The following RDX variants were observed in gnomAD, a reference collection of about 807,000 sequenced individuals.
RDX encodes the protein radixin.
A neutral mutation model predicts 83.7 loss-of-function variants in RDX; 32 were observed. That is an observed-to-expected ratio of 0.38 (90% CI 0.29 to 0.51). The LOEUF (loss-of-function observed/expected upper bound fraction) is 0.51. RDX is among the 20% of genes least tolerant of loss of function. The pLI, the probability that RDX is intolerant of heterozygous loss-of-function variation, is 0.87. For missense variants in RDX, 600 were observed against 689.9 expected (o/e 0.87, Z 1.46); for synonymous variants, 229 against 222.7 (o/e 1.03, Z -0.25).
At chr11:110,185,870 G>T (rs558875290) in intron 15 of RDX, among the ~76,000 whole-genome samples, 1 of 152,108 alleles carries the variant, frequency 6.6e-6, no homozygotes, top group Non-Finnish European at 1.5e-5. Flanking sequence ...AGGAAAATCC[G>T]GGAACAGGAC....
intron 3 of RDX, among the ~76,000 whole-genome samples, chr11:110,272,210 T>G (rs531210034): frequency 4.5e-4 from 68 of 152,348 alleles, no homozygotes; most frequent in Middle Eastern, 3.4e-3. Flanking sequence ...CTGTTCCTTC[T>G]GCCCAGGATT....
At position 110,267,786 on chromosome 11, in the gene RDX, T is replaced by C. The variant is rs1004095175; in HGVS notation, c.97-2912A>G. Among the ~76,000 whole-genome samples, 10 of 138,180 alleles carry C rather than the reference T, an allele frequency of 7.2e-5. No individual in the cohort carries two copies. In the South Asian group the frequency reaches 1.1e-3, roughly 16 times the overall value. The allele number at this position is 138,180 out of a possible 152,430, so 90.7% of individuals were successfully genotyped here. A position where few individuals can be genotyped will look rare whatever the true frequency, so the allele number is the denominator to read the frequency against. ...GCCTGGGCAATGTAGGGAGACCTTG[T>C]CTCTTAAAAAAAAAAAAAAATTAGC... is the stretch of plus-strand genomic sequence containing the variant. On this transcript the variant is annotated intron_variant, in intron 3 of 13. Coordinates refer to ENST00000645495, the MANE Select transcript of RDX (RefSeq NM_002906.4).
chr11:110,212,841 TA>T (rs1863889752), intron 14 of RDX, among the ~76,000 whole-genome samples: 2 of 134,122 alleles, frequency 1.5e-5, no homozygotes, highest in African/African-American at 5.8e-5. Context: ...TATTTCAAAA[TA>T]ATAAGAGCTA....
At chr11:110,177,731 G>A (rs1476065555) in intron 15 of RDX, among the ~76,000 whole-genome samples, 2 of 152,010 alleles carry the variant, frequency 1.3e-5, no homozygotes, top group Non-Finnish European at 2.9e-5. Context: ...TGGTCCGCCT[G>A]CCTCGGCGTC....
chr11:110,264,937 A>T (rs1231279553), intron 3 of RDX, 63 bp from the exon 4 acceptor site: 1 of 1,165,680 alleles, frequency 8.6e-7, no homozygotes, highest in Non-Finnish European at 1.3e-6. Flanking sequence ...TGTCTAGATG[A>T]TACTACACTT....
chr11:110,271,139 A>C (rs1591173184), intron 3 of RDX, among the ~76,000 whole-genome samples: 3 of 152,354 alleles, frequency 2.0e-5, no homozygotes, highest in African/African-American at 7.2e-5. Flanking sequence ...AAAAGGCCTT[A>C]TCAGGACTTT....
chr11:110,245,274 T>A (rs957640872), intron 10 of RDX, among the ~76,000 whole-genome samples: 1 of 152,148 alleles, frequency 6.6e-6, no homozygotes, highest in Admixed American at 6.5e-5. Context: ...TTTTAAAAAA[T>A]AAAACTATAA....
chr11:110,186,431 T>C (rs1459903545), intron 15 of RDX, among the ~76,000 whole-genome samples: 4 of 139,412 alleles, frequency 2.9e-5, no homozygotes, highest in Non-Finnish European at 4.4e-5. Flanking sequence ...TCATCACTCG[T>C]TTTTTTTTCC....
chr11:110,176,961 A>G (rs6589117), intron 15 of RDX, among the ~76,000 whole-genome samples: 92,630 of 152,078 alleles, frequency 0.61, 29,235 homozygotes, highest in East Asian at 0.85. Context: ...GCAGCCTGCC[A>G]AGGGCCAAGC....
chr11:110,274,308 T>C (rs1860424939), intron 2 of RDX, among the ~76,000 whole-genome samples: 1 of 152,190 alleles, frequency 6.6e-6, no homozygotes, highest in Admixed American at 6.5e-5. Context: ...TACCAACAGG[T>C]AATCACTAAC....
intron 14 of RDX, among the ~76,000 whole-genome samples, chr11:110,204,505 T>C (rs1173477275): frequency 7.0e-6 from 1 of 143,504 alleles, no homozygotes; most frequent in Non-Finnish European, 1.5e-5. Context: ...TCTTTCTTTT[T>C]TTTTTTTCCT....
intron 10 of RDX, among the ~76,000 whole-genome samples, chr11:110,243,667 G>A (rs564199983): frequency 3.3e-5 from 5 of 152,018 alleles, no homozygotes; most frequent in African/African-American, 4.8e-5. Context: ...GCAGTGAACC[G>A]CGATCATGCC....
At chr11:110,286,624 C>A (rs998309344) in intron 1 of RDX, among the ~76,000 whole-genome samples, 3 of 152,174 alleles carry the variant, frequency 2.0e-5, no homozygotes, top group African/African-American at 7.2e-5. Flanking sequence ...TTTCCCTAAG[C>A]CTAATTTTAA....
At chr11:110,177,345 A>C (rs1428922967) in intron 15 of RDX, among the ~76,000 whole-genome samples, 1 of 152,166 alleles carries the variant, frequency 6.6e-6, no homozygotes, top group Non-Finnish European at 1.5e-5. Context: ...CAGGTCCTTA[A>C]TCTTGAAGCT....
chr11:110,184,357 C>T (rs1862945110), intron 15 of RDX, among the ~76,000 whole-genome samples: 1 of 152,248 alleles, frequency 6.6e-6, no homozygotes, highest in Non-Finnish European at 1.5e-5. Context: ...GTTCTCCAGC[C>T]TCTGTCTCCC....
At chr11:110,241,247 C>G (rs778780999) in intron 10 of RDX, among the ~76,000 whole-genome samples, 9 of 152,068 alleles carry the variant, frequency 5.9e-5, no homozygotes, top group Non-Finnish European at 1.2e-4. Flanking sequence ...TAGAATCTGC[C>G]TTCTAAAATT....
intron 14 of RDX, among the ~76,000 whole-genome samples, chr11:110,206,930 A>G (rs546277040): frequency 1.3e-5 from 2 of 152,292 alleles, no homozygotes; most frequent in East Asian, 3.9e-4. Flanking sequence ...GTGGTCCCAA[A>G]ACAGCAGCAT....
At position 110,264,779 on chromosome 11, in the gene RDX, C is replaced by CTTT. The variant is rs1276898609; in HGVS notation, c.189_191dup (p.Lys64dup). The CTTT allele has an allele frequency of 6.3e-7, 1 of 1,597,234 alleles. No individual in the cohort carries two copies. Among genetic ancestry groups the CTTT allele is most frequent in the Admixed American group, 1.7e-5 (1 of 59,860 alleles). ...TTTAATGTTATCGTACATATTTTAC[C>CTTT]TTTTTATTTAGTTTAAGCCATGTAG... On this transcript the variant is annotated inframe_insertion and splice_region_variant, in exon 4 of 14. Transcript: ENST00000645495.
intron 1 of RDX, among the ~76,000 whole-genome samples, chr11:110,290,086 T>A (rs1291723215): frequency 6.6e-6 from 1 of 151,286 alleles, no homozygotes; most frequent in East Asian, 1.9e-4. Flanking sequence ...TATTAAAAGA[T>A]TATCAGTCAA....
Sources: allele counts gnomAD v4.1 joint callset (sites outside exome capture counted in the v4.1 genomes callset), GRCh38; gene constraint gnomAD v4.1.1; transcripts MANE v1.5; gene names NCBI Gene and HGNC (gene_info 2026-07-23, HGNC 2026-07-21).